Variants in KIF18A observed in about 807,000 individuals in gnomAD.
KIF18A encodes the protein kinesin-like protein KIF18A.
A neutral mutation model predicts 103.3 loss-of-function variants in KIF18A; 67 were observed. That is an observed-to-expected ratio of 0.65 (90% CI 0.53 to 0.79). The LOEUF (loss-of-function observed/expected upper bound fraction) is 0.79. KIF18A is among the 30% of genes least tolerant of loss of function. The pLI, the probability that KIF18A is intolerant of heterozygous loss-of-function variation, is 0.00. For synonymous variants in KIF18A, 367 were observed against 355.5 expected, an observed-to-expected ratio of 1.03 and a Z score of -0.36; for missense variants, 1,032 against 1,062.5, an observed-to-expected ratio of 0.97 and a Z score of 0.40.
At chr11:28,077,296 G>C (rs1225734518) in intron 9 of KIF18A, 127 bp from the exon 10 acceptor site, 11 of 565,884 alleles carry the variant, frequency 1.9e-5, no homozygotes, top group Admixed American at 3.2e-5. Context: ...ATGATAAACA[G>C]CAAATAGGTA....
At chr11:28,100,816 G>A (rs1413903274) in intron 1 of KIF18A, among the ~76,000 whole-genome samples, 1 of 152,034 alleles carries the variant, frequency 6.6e-6, no homozygotes, top group East Asian at 1.9e-4. Context: ...TCAGGTCCCA[G>A]GTGAATTACT....
intron 9 of KIF18A, among the ~76,000 whole-genome samples, chr11:28,078,251 T>C (rs964684259): frequency 2.0e-5 from 3 of 152,160 alleles, no homozygotes; most frequent in Admixed American, 6.6e-5. Context: ...ACACTGACTT[T>C]ACTGCAGTTT....
At position 28,088,570 on chromosome 11, in the gene KIF18A, GAT is replaced by G. The variant is rs1222604761; in HGVS notation, c.849_850del (p.Arg283SerfsTer27). 6.2e-7 allele frequency: 1 copy of G among 1,613,952 alleles called. No homozygotes were observed. Among genetic ancestry groups the G allele is most frequent in the Non-Finnish European group, 8.5e-7 (1 of 1,179,922 alleles). On this transcript the variant is annotated frameshift_variant, in exon 6 of 17. Transcript: ENST00000263181. LOFTEE classifies it high-confidence loss of function. Reference sequence around the variant, plus strand: ...GATGACATTCCCAAGAGCTAAAAGTGATCTATTAATATTTGTGCCTTCTACAA... The same window carrying G: ...GATGACATTCCCAAGAGCTAAAAGTGCTATTAATATTTGTGCCTTCTACAA...
chr11:28,038,752 T>A (rs1850524486), intron 13 of KIF18A, among the ~76,000 whole-genome samples: 1 of 151,710 alleles, frequency 6.6e-6, no homozygotes, highest in South Asian at 2.1e-4. Context: ...ATGATCCCTG[T>A]TCTACTGAGG....
chr11:28,051,809 C>T (rs1012640038), intron 13 of KIF18A, among the ~76,000 whole-genome samples: 8 of 151,960 alleles, frequency 5.3e-5, no homozygotes, highest in Admixed American at 1.3e-4. Flanking sequence ...TTAGCTTAGA[C>T]TTCTCTCCTG....
chr11:28,058,014 A>G (rs1385725042), intron 13 of KIF18A, among the ~76,000 whole-genome samples: 1 of 152,190 alleles, frequency 6.6e-6, no homozygotes, highest in East Asian at 1.9e-4. Context: ...ACATACTGCA[A>G]AGATAAATAT....
chr11:28,083,196 T>C lies in KIF18A; in HGVS notation c.1122A>G (p.Val374=), dbSNP rs1259174567. The C allele has an allele frequency of 2.5e-6, 4 of 1,569,292 alleles. No individual in the cohort carries two copies. Residue 374 remains valine, a synonymous_variant, in exon 8 of 17, where the codon GTA becomes GTG. Transcript: ENST00000263181. ...CTGCCTTCTGCTCATTACAGATCTT[T>C]ACATATTGAGTTATATGATTATTGA... ...LNVNNHITQY[V]KICNEQKAEI... is the part of the protein sequence containing the mutation.
chr11:28,075,939 G>A (rs1241349577), intron 10 of KIF18A, among the ~76,000 whole-genome samples: 1 of 152,050 alleles, frequency 6.6e-6, no homozygotes. Context: ...GTGTTCAAAT[G>A]ACTTTTTTTT....
intron 11 of KIF18A, among the ~76,000 whole-genome samples, chr11:28,067,028 G>A (rs1178405841): frequency 6.6e-6 from 1 of 151,708 alleles, no homozygotes; most frequent in African/African-American, 2.4e-5. Context: ...ATTTACAGAT[G>A]ACAAATTAAG....
At chr11:28,086,523 G>C (rs1198309187) in intron 6 of KIF18A, among the ~76,000 whole-genome samples, 1 of 152,150 alleles carries the variant, frequency 6.6e-6, no homozygotes, top group African/African-American at 2.4e-5. Flanking sequence ...ACAATGTTAA[G>C]CTAAAAGCAA....
At chr11:28,047,281 C>T (rs1457086886) in intron 13 of KIF18A, among the ~76,000 whole-genome samples, 1 of 151,912 alleles carries the variant, frequency 6.6e-6, no homozygotes, top group Non-Finnish European at 1.5e-5. Context: ...TAGTCCATCG[C>T]TACAAGAAAA....
chr11:28,081,061 G>C (rs185211923), intron 9 of KIF18A, among the ~76,000 whole-genome samples: 2 of 152,308 alleles, frequency 1.3e-5, no homozygotes, highest in South Asian at 4.1e-4. Flanking sequence ...GCTGAGAGAG[G>C]TGAGGAAGTT....
At chr11:28,102,812 A>T (rs1384903) in intron 1 of KIF18A, among the ~76,000 whole-genome samples, 22,567 of 152,200 alleles carry the variant, frequency 0.15, 2,122 homozygotes, top group Non-Finnish European at 0.21. Flanking sequence ...TTACATCTGC[A>T]GGAATTAATG....
intron 8 of KIF18A, 39 bp from the exon 9 acceptor site, chr11:28,083,007 T>C (rs1414728916): frequency 6.8e-7 from 1 of 1,467,404 alleles, no homozygotes; most frequent in Middle Eastern, 1.9e-4. Context: ...ACAAAAGAAG[T>C]CATTTACATG....
chr11:28,084,849 T>A, intron 6 of KIF18A, 41 bp from the exon 7 acceptor site: 1 of 1,522,224 alleles, frequency 6.6e-7, no homozygotes, highest in South Asian at 1.2e-5. Context: ...TTTTCCACAT[T>A]TAAATGCAAA....
At chr11:28,075,757 C>G (rs771746525) in intron 10 of KIF18A, among the ~76,000 whole-genome samples, 1 of 152,090 alleles carries the variant, frequency 6.6e-6, no homozygotes, top group South Asian at 2.1e-4. Context: ...AGTTGAGAAT[C>G]TGTTTCTCTT....
chr11:28,030,659 A>G (rs1850386755), intron 15 of KIF18A, among the ~76,000 whole-genome samples: 1 of 151,998 alleles, frequency 6.6e-6, no homozygotes, highest in Admixed American at 6.6e-5. Flanking sequence ...AGCAATGGCA[A>G]CAAAAGCCAA....
chr11:28,078,504 T>C (rs1052945977), intron 9 of KIF18A, among the ~76,000 whole-genome samples: 2 of 152,216 alleles, frequency 1.3e-5, no homozygotes, highest in South Asian at 2.1e-4. Context: ...AGGAAGGGAA[T>C]TGGTATCAAA....
Position 28,095,961 on chromosome 11 carries a change from T to C in KIF18A, c.326-1161A>G, listed in dbSNP as rs1220486278. ...AGCAGGTTGAGGCTGCAGTGAGCTG[T>C]GATTGTACCAGCGCACTCCAGCCTG... On this transcript the variant is annotated intron_variant, in intron 2 of 16. Transcript: ENST00000263181. Among the ~76,000 whole-genome samples the C allele has an allele frequency of 2.7e-5, 4 of 148,642 alleles. No individual in the cohort carries two copies. In the East Asian group the frequency reaches 5.9e-4, roughly 22 times the overall value.
Sources: allele counts gnomAD v4.1 joint callset (sites outside exome capture counted in the v4.1 genomes callset), GRCh38; gene constraint gnomAD v4.1.1; transcripts MANE v1.5; gene names NCBI Gene and HGNC (gene_info 2026-07-23, HGNC 2026-07-21).